Variants in CHST15 observed in about 807,000 individuals in gnomAD.
The protein encoded by CHST15 is B cell RAG associated protein (GALNAC4S-6ST).
In CHST15, 30 loss-of-function variants were observed where a neutral mutation model predicts 53.6. That is an observed-to-expected ratio of 0.56 (90% CI 0.42 to 0.76). CHST15 has a LOEUF of 0.76. CHST15 is among the 30% of genes least tolerant of loss of function. The probability of loss-of-function intolerance (pLI) is 0.00; values close to 1 mark genes in which losing one functional copy is unlikely to be tolerated. For missense variants in CHST15, 627 were observed against 740.5 expected, an observed-to-expected ratio of 0.85 and a Z score of 1.78; for synonymous variants, 296 against 289.8, an observed-to-expected ratio of 1.02 and a Z score of -0.22.
At chr10:124,046,819 T>C (rs1245448478) in intron 1 of CHST15, 95 bp from the exon 2 acceptor site, 1 of 152,192 alleles carries the variant, frequency 6.6e-6, no homozygotes, top group Non-Finnish European at 1.5e-5. Context: ...CACTCTCTTT[T>C]CCACCTCTAA....
chr10:124,009,324 G>A lies in CHST15; in HGVS notation c.*825C>T. 9.3e-7 allele frequency: 1 copy of A among 1,078,496 alleles called. No individual in the cohort carries two copies. Among genetic ancestry groups the A allele is most frequent in the Non-Finnish European group, 1.1e-6 (1 of 881,120 alleles). 66.8% of individuals were successfully genotyped at this position (1,078,496 alleles called of 1,614,324 possible). ...TCTTGAGAAAACGTATGAAGAGGCA[G>A]CAGAGAGAGAGCCAGGACTGGTTAA... On this transcript the variant is annotated 3_prime_UTR_variant, in exon 8 of 8. Transcript: ENST00000435907.
Position 124,009,276 on chromosome 10 carries a change from C to A in CHST15, c.*873G>T, listed in dbSNP as rs1371336585. On this transcript the variant is annotated 3_prime_UTR_variant, in exon 8 of 8. Transcript: ENST00000435907. ...ATTCTGGCATTAACAGCAAAAATTT[C>A]TCTTCCAATTATAAACTGAAGTTCT... 8 of 1,095,656 alleles carry A rather than the reference C, an allele frequency of 7.3e-6. No individual in the cohort carries two copies. The highest frequency in any genetic ancestry group is 9.0e-6 in the Non-Finnish European group (8 of 889,622). 67.9% of individuals were successfully genotyped at this position (1,095,656 alleles called of 1,614,324 possible).
At chr10:124,044,544 C>A in intron 3 of CHST15, 36 bp downstream of exon 3, 1 of 1,441,354 alleles carries the variant, frequency 6.9e-7, no homozygotes, top group South Asian at 1.5e-5. Context: ...AATGAAGGAA[C>A]GAGACCAGAC....
At chr10:124,063,428 C>T (rs1301414888) in intron 1 of CHST15, among the ~76,000 whole-genome samples, 1 of 152,092 alleles carries the variant, frequency 6.6e-6, no homozygotes, top group African/African-American at 2.4e-5. Flanking sequence ...TTGTCAATTT[C>T]CTCTAGCTTT....
intron 1 of CHST15, among the ~76,000 whole-genome samples, chr10:124,088,355 C>T (rs527955850): frequency 1.8e-4 from 27 of 152,336 alleles, no homozygotes; most frequent in Admixed American, 1.2e-3. Context: ...CTGTGCTGAG[C>T]GCTGGCTCTC....
chr10:124,068,279 G>A (rs925584622), intron 1 of CHST15, among the ~76,000 whole-genome samples: 3 of 152,094 alleles, frequency 2.0e-5, no homozygotes, highest in Non-Finnish European at 4.4e-5. Flanking sequence ...CTGGCTCCAC[G>A]GCCTGACACT....
chr10:124,087,244 G>T (rs1949461188), intron 1 of CHST15, among the ~76,000 whole-genome samples: 1 of 152,198 alleles, frequency 6.6e-6, no homozygotes, highest in Non-Finnish European at 1.5e-5. Flanking sequence ...ACACAGAAAA[G>T]CAAAAGCAGG....
chr10:124,020,867 G>T, intron 6 of CHST15: 1 of 1,258,944 alleles, frequency 7.9e-7, no homozygotes, highest in East Asian at 3.1e-5. Flanking sequence ...ATCATTGATG[G>T]GTAGTTTTTT....
At chr10:124,080,762 G>A (rs553927077) in intron 1 of CHST15, among the ~76,000 whole-genome samples, 93 of 152,272 alleles carry the variant, frequency 6.1e-4, no homozygotes, top group Admixed American at 2.6e-3. Flanking sequence ...ATAAACAGAC[G>A]ATCTGAAAGA....
chr10:124,040,434 A>G (rs1029905234), intron 4 of CHST15, among the ~76,000 whole-genome samples: 6 of 152,202 alleles, frequency 3.9e-5, no homozygotes, highest in African/African-American at 1.4e-4. Flanking sequence ...GAGACTTTCA[A>G]CATGTCTAAA....
chr10:124,044,170 G>C (rs1227976620), intron 3 of CHST15, among the ~76,000 whole-genome samples: 1 of 148,872 alleles, frequency 6.7e-6, no homozygotes, highest in African/African-American at 2.6e-5. Context: ...CAGAGCTTGG[G>C]AGCGGCACAG....
At chr10:124,042,261 G>A (rs755686644) in intron 4 of CHST15, 40 bp downstream of exon 4, 253 of 1,578,786 alleles carry the variant, frequency 1.6e-4, no homozygotes, top group Non-Finnish European at 2.1e-4. Flanking sequence ...AGGACCCCAG[G>A]GAGGGTGCTA....
intron 1 of CHST15, among the ~76,000 whole-genome samples, chr10:124,084,130 C>T (rs1376400227): frequency 6.6e-6 from 1 of 152,172 alleles, no homozygotes; most frequent in African/African-American, 2.4e-5. Context: ...GGAGTCCAGT[C>T]CTGAGGCATC....
At chr10:124,067,813 C>T (rs1948793568) in intron 1 of CHST15, among the ~76,000 whole-genome samples, 1 of 152,102 alleles carries the variant, frequency 6.6e-6, no homozygotes, top group Non-Finnish European at 1.5e-5. Flanking sequence ...GACGGGGTTT[C>T]ACCATGTTGG....
intron 5 of CHST15, among the ~76,000 whole-genome samples, chr10:124,032,305 T>G (rs968192829): frequency 6.6e-6 from 1 of 152,220 alleles, no homozygotes; most frequent in East Asian, 1.9e-4. Flanking sequence ...AAATGAACCA[T>G]TCCTGTGGTG....
chr10:124,075,820 CAA>C (rs1949057729), intron 1 of CHST15, among the ~76,000 whole-genome samples: 1 of 152,162 alleles, frequency 6.6e-6, no homozygotes, highest in Non-Finnish European at 1.5e-5. Context: ...AGGGAAGGAA[CAA>C]AGAGTCAGCA....
intron 1 of CHST15, among the ~76,000 whole-genome samples, chr10:124,078,692 G>A (rs1350832627): frequency 1.3e-5 from 2 of 152,224 alleles, no homozygotes; most frequent in African/African-American, 4.8e-5. Context: ...GGAAGGGATT[G>A]AAACATCCTC....
At chr10:124,043,906 G>A (rs543960114) in intron 3 of CHST15, among the ~76,000 whole-genome samples, 1 of 149,302 alleles carries the variant, frequency 6.7e-6, no homozygotes, top group Admixed American at 6.6e-5. Context: ...ACAGAGCAGG[G>A]GAACAGCACA....
chr10:124,090,510 G>T (rs1364287708), intron 1 of CHST15, among the ~76,000 whole-genome samples: 1 of 152,218 alleles, frequency 6.6e-6, no homozygotes, highest in Non-Finnish European at 1.5e-5. Context: ...GGAATTTCTT[G>T]TCTGCTGTTT....
Sources: gnomAD v4.1 joint callset for allele counts (sites outside exome capture counted in the v4.1 genomes callset) on GRCh38, gnomAD v4.1.1 for gene constraint, MANE v1.5 for transcripts, NCBI Gene and HGNC (gene_info 2026-07-23, HGNC 2026-07-21) for gene names.